The following TDRD9 variants were observed in gnomAD, a reference collection of about 807,000 sequenced individuals.
The protein encoded by TDRD9 is tudor domain containing 9.
TDRD9 carries 124 observed loss-of-function variants against 172.6 expected under a neutral mutation model. That is an observed-to-expected ratio of 0.72 (90% CI 0.62 to 0.83). The LOEUF (loss-of-function observed/expected upper bound fraction) is 0.83. TDRD9 is among the 40% of genes least tolerant of loss of function. The pLI, the probability that TDRD9 is intolerant of heterozygous loss-of-function variation, is 0.00. For synonymous variants in TDRD9, 619 were observed against 617.1 expected (o/e 1.00, Z -0.05); for missense variants, 1,479 against 1,714.1 (o/e 0.86, Z 2.42).
At chr14:104,043,264 T>A (rs554349848) in intron 34 of TDRD9, among the ~76,000 whole-genome samples, 1 of 151,144 alleles carries the variant, frequency 6.6e-6, no homozygotes, top group African/African-American at 2.4e-5. Context: ...TTTTTGAGAA[T>A]GGAGTCTTGC....
chr14:103,986,378 T>C (rs2033662139), intron 8 of TDRD9, 58 bp downstream of exon 8: 1 of 1,281,212 alleles, frequency 7.8e-7, no homozygotes, highest in Non-Finnish European at 1.1e-6. Flanking sequence ...AAAAAATTAT[T>C]CATTTGGAAA....
rs371091966 is a variant in TDRD9 at position 103,944,420 on chromosome 14, A to G, written c.216-11244A>G. On this transcript the variant is annotated intron_variant, in intron 1 of 35. Coordinates refer to ENST00000409874, the MANE Select transcript of TDRD9 (RefSeq NM_153046.3). Reference sequence around the variant, plus strand: ...TTTTCATGGACCAGCTCAAATACCAACTGATTTTTTCCTTCAACCTGAGGG... The same window carrying G: ...TTTTCATGGACCAGCTCAAATACCAGCTGATTTTTTCCTTCAACCTGAGGG... Among the ~76,000 whole-genome samples the G allele has an allele frequency of 6.6e-5, 10 of 152,080 alleles. No homozygotes were observed. In the East Asian group the frequency reaches 7.7e-4, roughly 12 times the overall value.
In TDRD9 at chr14:103,945,368, A is replaced by G. The variant is rs530957229; in HGVS notation, c.216-10296A>G. On this transcript the variant is annotated intron_variant, in intron 1 of 35. Coordinates refer to ENST00000409874, the MANE Select transcript of TDRD9 (RefSeq NM_153046.3). ...CCTTTGAAGTTAATTGTGTAAACCA[A>G]TTTTTCTAGTACTTAGTGTGTGCTA... 61 of 152,154 alleles carry G rather than the reference A, an allele frequency of 4.0e-4. 1 individual carries two copies. The highest frequency in any genetic ancestry group is 1.4e-3 in the African/African-American group (58 of 41,506). 9.4% of individuals were successfully genotyped at this position (152,154 alleles called of 1,614,324 possible). A position where few individuals can be genotyped will look rare whatever the true frequency, so the allele number is the denominator to read the frequency against.
At chr14:104,012,936 A>C (rs750802987) in intron 20 of TDRD9, among the ~76,000 whole-genome samples, 2 of 152,044 alleles carry the variant, frequency 1.3e-5, no homozygotes, top group African/African-American at 2.4e-5. Context: ...TTCATTTCTG[A>C]TTTTATTGCA....
chr14:103,952,190 G>A (rs28407865), intron 1 of TDRD9, among the ~76,000 whole-genome samples: 1,250 of 55,512 alleles, frequency 0.023, 39 homozygotes, highest in Non-Finnish European at 0.029. Flanking sequence ...GCGTGTGTGT[G>A]TATATATATA....
At chr14:103,949,930 C>A (rs1022631892) in intron 1 of TDRD9, among the ~76,000 whole-genome samples, 9 of 152,102 alleles carry the variant, frequency 5.9e-5, no homozygotes, top group Non-Finnish European at 8.8e-5. Flanking sequence ...CCCGCCTCGT[C>A]CTCCCAAAGT....
chr14:103,939,681 T>G, intron 1 of TDRD9: 2 of 139,240 alleles, frequency 1.4e-5, no homozygotes, highest in Non-Finnish European at 1.5e-5. Context: ...AGGAGGGTTT[T>G]TTTTTTTTTT....
chr14:103,940,543 C>T, intron 1 of TDRD9: 1 of 309,950 alleles, frequency 3.2e-6, no homozygotes, highest in Non-Finnish European at 5.9e-6. Context: ...GCTTTAGTTC[C>T]TGTGAGGTGG....
At chr14:104,005,706 A>T (rs1406362136) in intron 15 of TDRD9, among the ~76,000 whole-genome samples, 2 of 152,118 alleles carry the variant, frequency 1.3e-5, no homozygotes, top group African/African-American at 4.8e-5. Context: ...CTTGTAACCG[A>T]GGCCTTGGTA....
chr14:103,935,544 C>T (rs1392070471), intron 1 of TDRD9, among the ~76,000 whole-genome samples: 2 of 152,128 alleles, frequency 1.3e-5, no homozygotes, highest in Non-Finnish European at 2.9e-5. Flanking sequence ...TGTTAGACAG[C>T]AGTACATGTA....
rs533021420 is a variant in TDRD9, at chr14:104,026,474, A to G, written c.3022-205A>G. Among the ~76,000 whole-genome samples the G allele has an allele frequency of 5.9e-5, 9 of 152,350 alleles. No homozygotes were observed. In the East Asian group the frequency reaches 1.7e-3, roughly 29 times the overall value. On this transcript the variant is annotated intron_variant, in intron 27 of 35. Coordinates refer to ENST00000409874, the MANE Select transcript of TDRD9 (RefSeq NM_153046.3). ...TACCATCAGTATGAAGACAATCTAA[A>G]AATTATTCTAAATATTTCTTATTGT...
intron 1 of TDRD9, among the ~76,000 whole-genome samples, chr14:103,946,153 A>G (rs2031548195): frequency 1.3e-5 from 2 of 151,792 alleles, no homozygotes; most frequent in African/African-American, 4.8e-5. Flanking sequence ...TTTGGTGGAG[A>G]CTGGGTCTCA....
intron 6 of TDRD9, 94 bp downstream of exon 6, chr14:103,970,715 A>G (rs555750661): frequency 6.3e-5 from 61 of 964,520 alleles, no homozygotes; most frequent in Non-Finnish European, 8.7e-5. Context: ...TCTATAGAGC[A>G]TTCTGGGACC....
intron 22 of TDRD9, among the ~76,000 whole-genome samples, chr14:104,017,279 C>T (rs538092627): frequency 3.3e-5 from 5 of 152,010 alleles, no homozygotes; most frequent in Non-Finnish European, 5.9e-5. Context: ...GTGTGTACAT[C>T]ATAAAAGCTC....
At chr14:104,010,526 G>C (rs1362094864) in intron 20 of TDRD9, among the ~76,000 whole-genome samples, 1 of 150,490 alleles carries the variant, frequency 6.6e-6, no homozygotes, top group African/African-American at 2.4e-5. Flanking sequence ...CCTCCTGAAG[G>C]ATACCTGCCT....
chr14:103,983,681 G>A (rs897064103), intron 7 of TDRD9, among the ~76,000 whole-genome samples: 1 of 152,206 alleles, frequency 6.6e-6, no homozygotes, highest in Non-Finnish European at 1.5e-5. Flanking sequence ...CTTGGGGAAA[G>A]CTGGGCAGTC....
At chr14:103,951,867 C>G (rs59466645) in intron 1 of TDRD9, among the ~76,000 whole-genome samples, 4,010 of 151,478 alleles carry the variant, frequency 0.026, 193 homozygotes, top group African/African-American at 0.093. Context: ...CCCGAGTTCA[C>G]GCCGTTCTCC....
intron 33 of TDRD9, 64 bp from the exon 34 acceptor site, chr14:104,042,005 C>G (rs971392659): frequency 9.3e-7 from 1 of 1,076,432 alleles, no homozygotes; most frequent in Non-Finnish European, 1.4e-6. Context: ...TATGAATTCT[C>G]TAACGGGATG....
At chr14:103,939,750 T>TTTTTTTTTTTTTTTG (rs2031092485) in intron 1 of TDRD9, 1 of 48,456 alleles carries the variant, frequency 2.1e-5, no homozygotes, top group Non-Finnish European at 4.9e-5. Context: ...AGTGTTTTTT[T>TTTTTTTTTTTTTTTG]TTTTTTTTTT....
Sources: gnomAD v4.1 joint callset for allele counts (sites outside exome capture counted in the v4.1 genomes callset) on GRCh38, gnomAD v4.1.1 for gene constraint, MANE v1.5 for transcripts, NCBI Gene and HGNC (gene_info 2026-07-23, HGNC 2026-07-21) for gene names.